Variants in SMYD3 observed in about 807,000 individuals in gnomAD.
SMYD3 encodes the protein SET and MYND domain containing 3.
In SMYD3, 36 loss-of-function variants were observed where a neutral mutation model predicts 57.7. The observed-to-expected ratio is 0.62, with a 90% CI of 0.48 to 0.82. The LOEUF is 0.82. Ranked by LOEUF, SMYD3 falls within the 40% of genes least tolerant of loss-of-function variation. SMYD3 has a pLI of 0.00. For missense variants in SMYD3, 515 were observed against 538.8 expected (o/e 0.96, Z 0.44); for synonymous variants, 211 against 195.0 (o/e 1.08, Z -0.68).
chr1:245,854,235 C>T (rs2051119790), intron 10 of SMYD3, among the ~76,000 whole-genome samples: 1 of 152,050 alleles, frequency 6.6e-6, no homozygotes, highest in Non-Finnish European at 1.5e-5. Context: ...GAAAGAGTGA[C>T]ATTTTAGTGT....
At chr1:246,031,573 TA>T (rs1271647777) in intron 5 of SMYD3, among the ~76,000 whole-genome samples, 3 of 151,878 alleles carry the variant, frequency 2.0e-5, no homozygotes, top group Non-Finnish European at 4.4e-5. Flanking sequence ...CCATCTCTAC[TA>T]AAAATATAAA....
intron 5 of SMYD3, among the ~76,000 whole-genome samples, chr1:246,290,185 T>C (rs1415452767): frequency 6.6e-6 from 1 of 152,174 alleles, no homozygotes; most frequent in Non-Finnish European, 1.5e-5. Flanking sequence ...CAGCAAAAAC[T>C]GGAGAAAAGG....
intron 11 of SMYD3, among the ~76,000 whole-genome samples, chr1:245,759,469 T>C (rs1372274041): frequency 6.6e-6 from 1 of 152,194 alleles, no homozygotes; most frequent in East Asian, 1.9e-4. Context: ...TATATTTAAC[T>C]TTTCTCTGGT....
chr1:245,997,146 G>A (rs997887326), intron 5 of SMYD3, among the ~76,000 whole-genome samples: 3 of 152,202 alleles, frequency 2.0e-5, no homozygotes, highest in African/African-American at 7.2e-5. Flanking sequence ...CCTACACGAC[G>A]GGACACTTAA....
intron 5 of SMYD3, among the ~76,000 whole-genome samples, chr1:246,138,808 G>A (rs1337517945): frequency 6.6e-6 from 1 of 152,044 alleles, no homozygotes; most frequent in East Asian, 1.9e-4. Flanking sequence ...AAATCATGTG[G>A]AAAATATTTT....
intron 5 of SMYD3, among the ~76,000 whole-genome samples, chr1:246,151,940 A>G (rs2061947215): frequency 6.6e-6 from 1 of 152,218 alleles, no homozygotes; most frequent in Admixed American, 6.5e-5. Flanking sequence ...AGAAGAAGGA[A>G]ATTTCAAGTG....
At chr1:246,242,133 C>T (rs375752466) in intron 5 of SMYD3, among the ~76,000 whole-genome samples, 2 of 152,136 alleles carry the variant, frequency 1.3e-5, no homozygotes, top group African/African-American at 4.8e-5. Flanking sequence ...CTTCTGCTAG[C>T]TTTTGAATGT....
At chr1:245,893,323 CAT>C (rs2053513034) in intron 8 of SMYD3, among the ~76,000 whole-genome samples, 1 of 151,938 alleles carries the variant, frequency 6.6e-6, no homozygotes, top group African/African-American at 2.4e-5. Flanking sequence ...TAAAGTTAAA[CAT>C]ATATTTACCA....
chr1:245,837,394 G>C (rs1046857565), intron 10 of SMYD3, among the ~76,000 whole-genome samples: 1 of 152,052 alleles, frequency 6.6e-6, no homozygotes, highest in African/African-American at 2.4e-5. Context: ...TGGCAAGCCT[G>C]AGAGGCTGGG....
At chr1:246,005,677 T>C (rs1238961114) in intron 5 of SMYD3, among the ~76,000 whole-genome samples, 3 of 152,178 alleles carry the variant, frequency 2.0e-5, no homozygotes, top group Non-Finnish European at 4.4e-5. Context: ...ACAGTGATGT[T>C]ATAAAAGCAA....
intron 5 of SMYD3, among the ~76,000 whole-genome samples, chr1:245,938,336 G>C (rs747840106): frequency 2.0e-5 from 3 of 152,192 alleles, no homozygotes; most frequent in Non-Finnish European, 2.9e-5. Flanking sequence ...GAGCACCTTG[G>C]GGGGCCACTC....
At chr1:245,918,295 C>T (rs2055594715) in intron 7 of SMYD3, among the ~76,000 whole-genome samples, 1 of 152,190 alleles carries the variant, frequency 6.6e-6, no homozygotes, top group South Asian at 2.1e-4. Flanking sequence ...TCAGGTAACA[C>T]TGAAGACTGC....
Position 246,196,187 on chromosome 1 carries a change from A to AT in SMYD3, c.531+131013dup, listed in dbSNP as rs548584675. Among the ~76,000 whole-genome samples, 534 of 152,188 alleles carry AT rather than the reference A, an allele frequency of 3.5e-3. 3 individuals are homozygous for AT. The highest frequency in any genetic ancestry group is 0.031 in the Middle Eastern group (9 of 294). ...GTGATATTTGCCCAGAATACATCTG[A>AT]TATGGTCTCCTGGTTGTTTCTAAAT... On this transcript the variant is annotated intron_variant, in intron 5 of 11. Coordinates refer to ENST00000490107, the MANE Select transcript of SMYD3 (RefSeq NM_001167740.2).
intron 1 of SMYD3, among the ~76,000 whole-genome samples, chr1:246,489,311 C>G (rs935932431): frequency 6.6e-6 from 1 of 152,092 alleles, no homozygotes; most frequent in African/African-American, 2.4e-5. Flanking sequence ...GAGATCATGC[C>G]ACTGCACTCC....
At chr1:246,034,045 A>G (rs977576606) in intron 5 of SMYD3, among the ~76,000 whole-genome samples, 3 of 152,192 alleles carry the variant, frequency 2.0e-5, no homozygotes, top group African/African-American at 7.2e-5. Flanking sequence ...AGAATTGAGC[A>G]ATAATTTAAA....
intron 5 of SMYD3, among the ~76,000 whole-genome samples, chr1:246,304,421 G>A (rs1464917029): frequency 1.3e-5 from 2 of 152,090 alleles, no homozygotes; most frequent in Non-Finnish European, 2.9e-5. Context: ...GACTTTCAAT[G>A]TAATGTGTAC....
At chr1:246,248,636 CTTTTTTTTTTT>C (rs1178698803) in intron 5 of SMYD3, among the ~76,000 whole-genome samples, 2 of 52,106 alleles carry the variant, frequency 3.8e-5, no homozygotes, top group Non-Finnish European at 6.4e-5. Context: ...TCTGACTTTC[CTTTTTTTTTTT>C]TTTTTTTTTT....
intron 5 of SMYD3, among the ~76,000 whole-genome samples, chr1:246,291,782 A>G (rs2064695850): frequency 6.6e-6 from 1 of 152,226 alleles, no homozygotes; most frequent in African/African-American, 2.4e-5. Flanking sequence ...TAGAAAGAAG[A>G]AAATATTAGC....
chr1:245,873,425 C>T lies in SMYD3; in HGVS notation c.814-9539G>A, dbSNP rs1446314582. ...TGCCAATACTGTTGTGTAAACGCTA[C>T]CAGGTGGGAGGTTTGAGATTCTGGG... On this transcript the variant is annotated intron_variant, in intron 8 of 11. Transcript: ENST00000490107. Among the ~76,000 whole-genome samples the T allele has an allele frequency of 3.9e-5, 6 of 152,134 alleles. No homozygotes were observed. The East Asian group carries it at 1.2e-3, about 29-fold the overall frequency.
Sources: allele counts gnomAD v4.1 joint callset (sites outside exome capture counted in the v4.1 genomes callset), GRCh38; gene constraint gnomAD v4.1.1; transcripts MANE v1.5; gene names NCBI Gene and HGNC (gene_info 2026-07-23, HGNC 2026-07-21).